The following KCND3 variants were observed in gnomAD, a reference collection of about 807,000 sequenced individuals.
KCND3 encodes the protein A-type voltage-gated potassium channel KCND3.
KCND3 carries 9 observed loss-of-function variants against 51.1 expected under a neutral mutation model. The ratio of observed to expected loss-of-function variants is 0.18; its 90% CI spans 0.11 to 0.31. KCND3 has a LOEUF of 0.31. Among genes scored for constraint, KCND3 ranks in the 10% least tolerant of loss-of-function variants. The pLI is 1.00. For synonymous variants in KCND3, 349 were observed against 368.0 expected (o/e 0.95, Z 0.59); for missense variants, 526 against 903.8 (o/e 0.58, Z 5.36).
At chr1:111,930,786 C>T (rs1166261539) in intron 2 of KCND3, among the ~76,000 whole-genome samples, 1 of 152,182 alleles carries the variant, frequency 6.6e-6, no homozygotes, top group Non-Finnish European at 1.5e-5. Flanking sequence ...TGGTTTCTAT[C>T]TTCATTATAA....
intron 2 of KCND3, among the ~76,000 whole-genome samples, chr1:111,880,766 G>A (rs142050290): frequency 6.6e-6 from 1 of 152,308 alleles, no homozygotes; most frequent in Admixed American, 6.5e-5. Context: ...CTATTCCCTG[G>A]TGAATGTTTC....
chr1:111,897,619 T>C, intron 2 of KCND3, among the ~76,000 whole-genome samples: 1 of 152,210 alleles, frequency 6.6e-6, no homozygotes, highest in South Asian at 2.1e-4. Context: ...CATGCAGGTC[T>C]GAGGGCAGTG....
chr1:111,968,624 C>T (rs970804911), intron 2 of KCND3, among the ~76,000 whole-genome samples: 36 of 152,216 alleles, frequency 2.4e-4, no homozygotes, highest in African/African-American at 8.4e-4. Context: ...CCGGCCCCAT[C>T]TCTGTTATCT....
At chr1:111,934,508 A>G (rs1396305863) in intron 2 of KCND3, among the ~76,000 whole-genome samples, 4 of 152,240 alleles carry the variant, frequency 2.6e-5, no homozygotes, top group African/African-American at 9.6e-5. Context: ...GGTTGTCTAA[A>G]TTAATCCACG....
At chr1:111,799,701 T>C (rs548319837) in intron 2 of KCND3, among the ~76,000 whole-genome samples, 2 of 152,332 alleles carry the variant, frequency 1.3e-5, no homozygotes, top group South Asian at 2.1e-4. Context: ...TGAAGTCTGG[T>C]TCTTGTAGAG....
chr1:111,817,178 T>C (rs1358367698), intron 2 of KCND3, among the ~76,000 whole-genome samples: 2 of 107,608 alleles, frequency 1.9e-5, no homozygotes, highest in African/African-American at 6.5e-5. Context: ...CTAATTTCAC[T>C]AGTTACTAAA....
intron 2 of KCND3, among the ~76,000 whole-genome samples, chr1:111,911,557 T>C (rs1174222499): frequency 6.6e-6 from 1 of 152,138 alleles, no homozygotes; most frequent in Non-Finnish European, 1.5e-5. Flanking sequence ...CTGTATATAG[T>C]TATATAGCAG....
At chr1:111,907,354 G>T (rs567562390) in intron 2 of KCND3, among the ~76,000 whole-genome samples, 8 of 152,220 alleles carry the variant, frequency 5.3e-5, no homozygotes, top group Non-Finnish European at 1.2e-4. Flanking sequence ...GGCTGGACTT[G>T]TTGACTTGCT....
At chr1:111,968,285 G>A (rs982913621) in intron 2 of KCND3, among the ~76,000 whole-genome samples, 10 of 152,174 alleles carry the variant, frequency 6.6e-5, no homozygotes, top group African/African-American at 2.2e-4. Context: ...GCAGGGGCAC[G>A]AGTCCTCAGG....
intron 1 of KCND3, among the ~76,000 whole-genome samples, chr1:111,983,369 C>G (rs1442046773): frequency 6.6e-6 from 1 of 152,122 alleles, no homozygotes; most frequent in Non-Finnish European, 1.5e-5. Context: ...AGGTGACCAC[C>G]AGGATTGGTG....
chr1:111,989,356 GC>G (rs1452874890), intron 1 of KCND3, among the ~76,000 whole-genome samples, 148 bp downstream of exon 1: 1 of 152,072 alleles, frequency 6.6e-6, no homozygotes, highest in Non-Finnish European at 1.5e-5. Context: ...CACGGCACGG[GC>G]CCCACCCCCA....
intron 2 of KCND3, among the ~76,000 whole-genome samples, chr1:111,840,542 A>G (rs936628246): frequency 3.9e-5 from 6 of 152,094 alleles, no homozygotes; most frequent in African/African-American, 1.4e-4. Flanking sequence ...TAGATTCTCA[A>G]AGTGATTTAT....
intron 2 of KCND3, among the ~76,000 whole-genome samples, chr1:111,816,491 G>C (rs141929305): frequency 4.1e-4 from 63 of 152,372 alleles, no homozygotes; most frequent in Non-Finnish European, 4.6e-4. Context: ...CTGGAGAACA[G>C]AGCAGAGGAT....
intron 2 of KCND3, among the ~76,000 whole-genome samples, chr1:111,822,747 T>G (rs1666406828): frequency 1.3e-5 from 2 of 152,212 alleles, no homozygotes; most frequent in Admixed American, 1.3e-4. Flanking sequence ...AGAAGTGGAA[T>G]TGCTGGATCA....
intron 2 of KCND3, among the ~76,000 whole-genome samples, chr1:111,864,543 C>A (rs533725543): frequency 1.3e-5 from 2 of 152,322 alleles, no homozygotes; most frequent in African/African-American, 4.8e-5. Flanking sequence ...GATGAGCAAA[C>A]AAAGGATGTC....
intron 2 of KCND3, among the ~76,000 whole-genome samples, chr1:111,906,102 G>A (rs1045316887): frequency 1.3e-5 from 2 of 152,238 alleles, no homozygotes; most frequent in South Asian, 2.1e-4. Flanking sequence ...AGCCACTGGA[G>A]TCCCATTCTC....
Position 111,829,845 on chromosome 1 carries a change from C to G in KCND3, c.1107-42739G>C, listed in dbSNP as rs540961725. Among the ~76,000 whole-genome samples, 11 of 152,326 alleles carry G rather than the reference C, an allele frequency of 7.2e-5. No individual in the cohort carries two copies. In the East Asian group the frequency reaches 2.1e-3, roughly 29 times the overall value. On this transcript the variant is annotated intron_variant, in intron 2 of 7. Transcript: ENST00000302127. ...CTTCTCCTGTTGGGTGCCCAAATCA[C>G]AGTAGACCCGACTGCCTGAGGTGGA...
intron 2 of KCND3, among the ~76,000 whole-genome samples, chr1:111,866,726 G>A (rs1297943216): frequency 6.6e-6 from 1 of 152,176 alleles, no homozygotes; most frequent in African/African-American, 2.4e-5. Context: ...GAGGTCAGGA[G>A]TTTGAGACCA....
In KCND3 at chr1:111,840,355, C is replaced by T. The variant is rs142780130; in HGVS notation, c.1107-53249G>A. On this transcript the variant is annotated intron_variant, in intron 2 of 7. Coordinates refer to ENST00000302127, the MANE Select transcript of KCND3 (RefSeq NM_001378969.1). ...GGTATGGAGCCCTCTCATCTTCTGA[C>T]GGGCCCCGCACCTTTTCCAGGTGGG... 2.5e-3 allele frequency among the ~76,000 whole-genome samples: 379 copies of T among 152,280 alleles called. 2 individuals carry two copies. The highest frequency in any genetic ancestry group is 3.0e-3 in the Non-Finnish European group (205 of 68,018).
Sources: gnomAD v4.1 joint callset for allele counts (sites outside exome capture counted in the v4.1 genomes callset) on GRCh38, gnomAD v4.1.1 for gene constraint, MANE v1.5 for transcripts, NCBI Gene and HGNC (gene_info 2026-07-23, HGNC 2026-07-21) for gene names.